ADGRG7: variants seen among roughly 807,000 people sequenced by gnomAD.
ADGRG7 encodes G-protein coupled receptor 128.
Under a neutral mutation model 88.6 loss-of-function variants are expected in ADGRG7, and 82 were observed. The ratio of observed to expected loss-of-function variants is 0.93; its 90% CI spans 0.77 to 1.11. The LOEUF is 1.11. ADGRG7 is among the 50% of genes most tolerant of loss of function. The probability of loss-of-function intolerance (pLI) is 0.00; values close to 1 mark genes in which losing one functional copy is unlikely to be tolerated. For synonymous variants in ADGRG7, 381 were observed against 345.2 expected (o/e 1.10, Z -1.15); for missense variants, 945 against 953.4 (o/e 0.99, Z 0.12).
chr3:100,693,333 C>T (rs982672189), intron 15 of ADGRG7, among the ~76,000 whole-genome samples: 2 of 152,162 alleles, frequency 1.3e-5, no homozygotes, highest in African/African-American at 4.8e-5. Flanking sequence ...AAATTTCTCT[C>T]CCTTGAACAA....
chr3:100,688,022 T>G (rs999553944), intron 15 of ADGRG7, among the ~76,000 whole-genome samples: 2 of 152,278 alleles, frequency 1.3e-5, no homozygotes, highest in Admixed American at 1.3e-4. Context: ...TTTTTTTGGT[T>G]GGTAAGCTAT....
intron 4 of ADGRG7, 117 bp downstream of exon 4, chr3:100,633,494 A>C: frequency 2.1e-6 from 1 of 474,004 alleles, no homozygotes; most frequent in Non-Finnish European, 3.7e-6. Context: ...ATTAGTAATA[A>C]CAAAAACTAG....
At chr3:100,623,965 G>T (rs1259711689) in intron 1 of ADGRG7, among the ~76,000 whole-genome samples, 4 of 152,060 alleles carry the variant, frequency 2.6e-5, no homozygotes, top group African/African-American at 9.7e-5. Context: ...GGACATTTGG[G>T]TTGGTTCCAT....
At position 100,680,703 on chromosome 3, in the gene ADGRG7, A is replaced by T. The variant is rs973197234; in HGVS notation, c.2136+11598A>T. 7.2e-5 allele frequency among the ~76,000 whole-genome samples: 11 copies of T among 152,162 alleles called. 1 individual carries two copies. The highest frequency in any genetic ancestry group is 7.2e-4 in the Admixed American group (11 of 15,272). On this transcript the variant is annotated intron_variant, in intron 15 of 15. Transcript: ENST00000273352. Reference sequence around the variant, plus strand: ...TGGAGCTAATATTTTACTACTTTCCAGTAAAATCTTAGAATCTTATAACAA... The same window carrying T: ...TGGAGCTAATATTTTACTACTTTCCTGTAAAATCTTAGAATCTTATAACAA...
At chr3:100,621,279 A>C (rs576441625) in intron 1 of ADGRG7, among the ~76,000 whole-genome samples, 2 of 152,316 alleles carry the variant, frequency 1.3e-5, no homozygotes, top group East Asian at 3.9e-4. Flanking sequence ...AAAAGCTAGA[A>C]ATGATTAAGT....
chr3:100,622,618 G>A (rs1048402748), intron 1 of ADGRG7, among the ~76,000 whole-genome samples: 1 of 152,062 alleles, frequency 6.6e-6, no homozygotes, highest in Non-Finnish European at 1.5e-5. Flanking sequence ...TATTATTAAT[G>A]TGTATTCTTC....
chr3:100,682,005 A>G (rs1480431282), intron 15 of ADGRG7, among the ~76,000 whole-genome samples: 1 of 152,212 alleles, frequency 6.6e-6, no homozygotes, highest in African/African-American at 2.4e-5. Flanking sequence ...TTTGGTATTT[A>G]TTGAGATTAC....
chr3:100,637,377 A>G lies in ADGRG7; in HGVS notation c.673A>G (p.Thr225Ala), dbSNP rs1412158878. The change falls in exon 6 of 16, where the codon ACT becomes GCT. Residue 225 changes from threonine to alanine, a missense_variant. Transcript: ENST00000273352. ...AGATGCTTTTCAAAGAGTTGCTGCT[A>G]CTGCTAATGATGATGCCCTTACAAC... ...SEDAFQRVAA[T>A]ANDDALTTLI... The G allele has an allele frequency of 1.2e-6, 2 of 1,613,312 alleles. No homozygotes were observed.
intron 6 of ADGRG7, among the ~76,000 whole-genome samples, chr3:100,641,230 A>G (rs142979379): frequency 9.2e-5 from 14 of 152,168 alleles, no homozygotes; most frequent in African/African-American, 2.6e-4. Context: ...TTTGAAGTAT[A>G]TAAGTTTGGG....
chr3:100,643,430 G>T (rs771085330), intron 7 of ADGRG7, 25 bp downstream of exon 7: 2 of 1,613,050 alleles, frequency 1.2e-6, no homozygotes, highest in Middle Eastern at 1.7e-4. Context: ...TTATGTGCTT[G>T]TAACAGCAAA....
At chr3:100,669,424 A>C (rs2094955606) in intron 15 of ADGRG7, among the ~76,000 whole-genome samples, 1 of 150,188 alleles carries the variant, frequency 6.7e-6, no homozygotes, top group African/African-American at 2.5e-5. Context: ...CTCCTCCTGT[A>C]GTCTCCTGCT....
At chr3:100,636,910 A>G (rs1156677192) in intron 5 of ADGRG7, among the ~76,000 whole-genome samples, 1 of 152,246 alleles carries the variant, frequency 6.6e-6, no homozygotes, top group Non-Finnish European at 1.5e-5. Flanking sequence ...TACTAAGTAT[A>G]ACTTAGTTAT....
At position 100,689,401 on chromosome 3, in the gene ADGRG7, T is replaced by G. The variant is rs547862679; in HGVS notation, c.2137-5343T>G. Among the ~76,000 whole-genome samples, 22 of 152,356 alleles carry G rather than the reference T, an allele frequency of 1.4e-4. 1 individual carries two copies. In the South Asian group the frequency reaches 2.9e-3, roughly 20 times the overall value. The stretch of plus-strand genomic sequence containing the variant: ...CATTTAAGGTTAATATTGTTACGTG[T>G]GAATTTGATCCTGTCATTATGTTAG... On this transcript the variant is annotated intron_variant, in intron 15 of 15. Transcript: ENST00000273352.
At chr3:100,680,012 TTAAAGGTACACCTA>T (rs1334166406) in intron 15 of ADGRG7, among the ~76,000 whole-genome samples, 1 of 152,238 alleles carries the variant, frequency 6.6e-6, no homozygotes, top group Admixed American at 6.5e-5. Flanking sequence ...AAAGTGATTG[TTAAAGGTACACCTA>T]TCCTTACCAA....
At chr3:100,658,600 T>C (rs543993167) in intron 13 of ADGRG7, among the ~76,000 whole-genome samples, 2 of 152,252 alleles carry the variant, frequency 1.3e-5, no homozygotes, top group East Asian at 3.9e-4. Context: ...CTTGATGTGA[T>C]TTCTGCCTGG....
At chr3:100,626,756 G>GC (rs1420559775) in intron 1 of ADGRG7, among the ~76,000 whole-genome samples, 4 of 152,260 alleles carry the variant, frequency 2.6e-5, no homozygotes, top group African/African-American at 9.6e-5. Flanking sequence ...CTGCACTCCA[G>GC]CCTAGGCAAC....
At chr3:100,681,572 A>C (rs922048571) in intron 15 of ADGRG7, among the ~76,000 whole-genome samples, 12 of 152,102 alleles carry the variant, frequency 7.9e-5, no homozygotes, top group African/African-American at 2.7e-4. Flanking sequence ...CAGACTCCCA[A>C]AGTGCTGGGA....
At chr3:100,645,256 C>T (rs1378218582) in intron 8 of ADGRG7, among the ~76,000 whole-genome samples, 1 of 152,216 alleles carries the variant, frequency 6.6e-6, no homozygotes, top group Non-Finnish European at 1.5e-5. Flanking sequence ...GCCAAACCCT[C>T]CACAGCAGCG....
At chr3:100,667,166 C>G (rs1199406874) in intron 14 of ADGRG7, among the ~76,000 whole-genome samples, 1 of 152,136 alleles carries the variant, frequency 6.6e-6, no homozygotes, top group Non-Finnish European at 1.5e-5. Context: ...GCGTCCACCA[C>G]CACACCTGGT....
Sources: gnomAD v4.1 joint callset for allele counts (sites outside exome capture counted in the v4.1 genomes callset) on GRCh38, gnomAD v4.1.1 for gene constraint, MANE v1.5 for transcripts, NCBI Gene and HGNC (gene_info 2026-07-23, HGNC 2026-07-21) for gene names.